The following EYS variants were observed in gnomAD, a reference collection of about 807,000 sequenced individuals.
The protein encoded by EYS is EGF-like photoreceptor maintenance factor, also known as protein eyes shut homolog.
In EYS, 250 loss-of-function variants were observed where a neutral mutation model predicts 282.1. That is an observed-to-expected ratio of 0.89 (90% confidence interval 0.80 to 0.98). The LOEUF is 0.98. EYS is among the 50% of genes least tolerant of loss of function. The pLI is 0.00. For synonymous variants in EYS, 1,355 were observed against 1,282.9 expected (o/e 1.06, Z -1.20); for missense variants, 4,016 against 3,709.0 (o/e 1.08, Z -2.15).
intron 29 of EYS, among the ~76,000 whole-genome samples, chr6:64,309,048 T>A (rs562193050): frequency 9.9e-5 from 15 of 152,238 alleles, no homozygotes; most frequent in African/African-American, 3.4e-4. Context: ...TCCTGAAATA[T>A]TATAGTTTAC....
intron 2 of EYS, among the ~76,000 whole-genome samples, chr6:65,633,797 T>C (rs186667656): frequency 6.6e-6 from 1 of 152,330 alleles, no homozygotes; most frequent in Admixed American, 6.5e-5. Context: ...CCTACTTTTG[T>C]AAATAAAGTT....
At chr6:63,793,231 A>C (rs1770561150) in intron 37 of EYS, among the ~76,000 whole-genome samples, 1 of 152,200 alleles carries the variant, frequency 6.6e-6, no homozygotes, top group African/African-American at 2.4e-5. Context: ...TACACTGAAA[A>C]TGATGATAGA....
intron 26 of EYS, among the ~76,000 whole-genome samples, chr6:64,540,930 C>T (rs1274999360): frequency 6.6e-6 from 1 of 152,124 alleles, no homozygotes; most frequent in Non-Finnish European, 1.5e-5. Context: ...TCAAGAGATG[C>T]CTTCTACTAT....
In EYS at chr6:65,443,371, T is replaced by C. The variant is rs1030791088; in HGVS notation, c.863-38004A>G. 1.5e-4 allele frequency among the ~76,000 whole-genome samples: 21 copies of C among 142,378 alleles called. 3 individuals carry two copies. The highest frequency in any genetic ancestry group is 1.0e-3 in the Admixed American group (14 of 13,590). 93.4% of individuals were successfully genotyped at this position (142,378 alleles called of 152,430 possible). On this transcript the variant is annotated intron_variant, in intron 5 of 42. Transcript: ENST00000503581. ...ATAGACATATATGCATACATGTATG[T>C]ACACATATAGACATATATGCATACA...
At chr6:63,753,146 A>ATATATATATATATATATATATG (rs1554166863) in intron 41 of EYS, among the ~76,000 whole-genome samples, 303 of 104,028 alleles carry the variant, frequency 2.9e-3, no homozygotes, top group African/African-American at 0.013. Context: ...GTGTGTATAT[A>ATATATATATATATATATATATG]TATATATATA....
intron 13 of EYS, among the ~76,000 whole-genome samples, chr6:65,003,871 T>C (rs1356227687): frequency 6.8e-6 from 1 of 147,492 alleles, no homozygotes; most frequent in East Asian, 2.1e-4. Flanking sequence ...TTTCTGTTTC[T>C]CCTTTTTATG....
intron 12 of EYS, among the ~76,000 whole-genome samples, chr6:65,123,135 C>G (rs77656751): frequency 6.6e-6 from 1 of 151,960 alleles, no homozygotes; most frequent in Non-Finnish European, 1.5e-5. Context: ...CTAATTGCTA[C>G]GTAAACATCC....
intron 35 of EYS, among the ~76,000 whole-genome samples, chr6:63,901,446 T>TA (rs1001332562): frequency 5.9e-5 from 9 of 152,328 alleles, no homozygotes; most frequent in Middle Eastern, 3.4e-3. Context: ...TAAAGGCCCC[T>TA]AGAACTTTTT....
At chr6:65,624,670 G>T (rs951619411) in intron 2 of EYS, among the ~76,000 whole-genome samples, 1 of 152,166 alleles carries the variant, frequency 6.6e-6, no homozygotes, top group East Asian at 1.9e-4. Flanking sequence ...GCAGGAGAAG[G>T]TGGAAGAGCA....
At chr6:63,960,605 TTTA>T (rs1047643637) in intron 35 of EYS, among the ~76,000 whole-genome samples, 4 of 152,160 alleles carry the variant, frequency 2.6e-5, no homozygotes, top group Non-Finnish European at 5.9e-5. Context: ...TGTGACAAAC[TTTA>T]TTATTATCTT....
intron 1 of EYS, among the ~76,000 whole-genome samples, chr6:65,661,372 A>C (rs1767995526): frequency 6.6e-6 from 1 of 152,002 alleles, no homozygotes; most frequent in Non-Finnish European, 1.5e-5. Flanking sequence ...ATTATTATAC[A>C]TATCTTGAGG....
At chr6:65,638,679 GCAGCCAGCATGCC>G (rs1767174628) in intron 2 of EYS, among the ~76,000 whole-genome samples, 1 of 152,240 alleles carries the variant, frequency 6.6e-6, no homozygotes, top group African/African-American at 2.4e-5. Context: ...CCGCGCTGCA[GCAGCCAGCATGCC>G]TGGCTGTGCG....
At chr6:64,082,430 T>C (rs1054939407) in intron 31 of EYS, among the ~76,000 whole-genome samples, 1 of 152,182 alleles carries the variant, frequency 6.6e-6, no homozygotes, top group African/African-American at 2.4e-5. Context: ...TGAGATATTT[T>C]GATACAGGAA....
chr6:65,104,137 TTAA>T (rs1305102768), intron 12 of EYS, among the ~76,000 whole-genome samples: 5 of 151,374 alleles, frequency 3.3e-5, no homozygotes, highest in Non-Finnish European at 7.4e-5. Flanking sequence ...GGAGTTTATG[TTAA>T]TAAGATGCTT....
intron 22 of EYS, among the ~76,000 whole-genome samples, chr6:64,738,810 T>A (rs1772273758): frequency 6.6e-6 from 1 of 152,132 alleles, no homozygotes; most frequent in Non-Finnish European, 1.5e-5. Flanking sequence ...TAGGATGGAG[T>A]GCAATGGCAC....
intron 15 of EYS, among the ~76,000 whole-genome samples, chr6:64,927,053 G>A (rs1450396137): frequency 1.3e-5 from 2 of 152,168 alleles, no homozygotes; most frequent in Non-Finnish European, 2.9e-5. Flanking sequence ...ATGTCTTGAT[G>A]TATGGCTTTG....
chr6:65,643,129 G>A (rs1379350583), intron 1 of EYS, among the ~76,000 whole-genome samples: 4 of 152,196 alleles, frequency 2.6e-5, no homozygotes, highest in Non-Finnish European at 4.4e-5. Context: ...CTGGTGGTCT[G>A]AGGCAAGTTC....
At chr6:64,835,990 T>C (rs1765371343) in intron 19 of EYS, among the ~76,000 whole-genome samples, 1 of 151,578 alleles carries the variant, frequency 6.6e-6, no homozygotes, top group Non-Finnish European at 1.5e-5. Context: ...CTCCCTTTCC[T>C]CCATTTTTAT....
chr6:64,286,919 GT>G (rs1319353067), intron 30 of EYS, among the ~76,000 whole-genome samples: 18 of 88,042 alleles, frequency 2.0e-4, no homozygotes, highest in African/African-American at 6.0e-4. Flanking sequence ...TTAATTTTCT[GT>G]ACTTTATTTA....
Sources: gnomAD v4.1 joint callset for allele counts (sites outside exome capture counted in the v4.1 genomes callset) on GRCh38, gnomAD v4.1.1 for gene constraint, MANE v1.5 for transcripts, NCBI Gene and HGNC (gene_info 2026-07-23, HGNC 2026-07-21) for gene names.